PKD2L1: variants seen among roughly 807,000 people sequenced by gnomAD.
The protein encoded by PKD2L1 is polycystin-2-like protein 1.
Under a neutral mutation model 93.0 loss-of-function variants are expected in PKD2L1, and 77 were observed. That is an observed-to-expected ratio of 0.83 (90% CI 0.69 to 1.00). PKD2L1 has a LOEUF of 1.00. Ranked by LOEUF, PKD2L1 falls within the 50% of genes least tolerant of loss-of-function variation. The probability of loss-of-function intolerance (pLI) is 0.00; values close to 1 mark genes in which losing one functional copy is unlikely to be tolerated. For missense variants in PKD2L1, 977 were observed against 990.9 expected (o/e 0.99, Z 0.19); for synonymous variants, 390 against 388.0 (o/e 1.01, Z -0.06).
chr10:100,313,718 C>T (rs940623796), intron 2 of PKD2L1, among the ~76,000 whole-genome samples: 1 of 152,178 alleles, frequency 6.6e-6, no homozygotes, highest in African/African-American at 2.4e-5. Context: ...TCTATCTACC[C>T]TCAATAGACC....
At chr10:100,298,840 T>G in intron 3 of PKD2L1, 25 bp from the exon 4 acceptor site, 2 of 1,595,440 alleles carry the variant, frequency 1.3e-6, no homozygotes, top group Non-Finnish European at 1.7e-6. Context: ...GGCTTGAACC[T>G]TACCCAGCCT....
intron 15 of PKD2L1, 121 bp downstream of exon 15, chr10:100,288,851 G>A: frequency 1.6e-6 from 1 of 617,502 alleles, no homozygotes; most frequent in Non-Finnish European, 2.8e-6. Flanking sequence ...GCAGGGTGGG[G>A]CTCAGCAGCA....
intron 5 of PKD2L1, 57 bp downstream of exon 5, chr10:100,297,325 A>G (rs976622891): frequency 1.3e-6 from 2 of 1,554,738 alleles, no homozygotes; most frequent in South Asian, 1.1e-5. Flanking sequence ...TCTCATGCAC[A>G]AGAGACGGGA....
rs536899238 is a variant in PKD2L1, at chr10:100,309,672, G to A, written c.350-9954C>T. On this transcript the variant is annotated intron_variant, in intron 2 of 15. Transcript: ENST00000318222. ...CCCTTAGCACAATTTACAGGTTCAG[G>A]GATGACCTTGTAACCCATTTCAGGT... is the stretch of plus-strand genomic sequence containing the variant. Among the ~76,000 whole-genome samples the A allele has an allele frequency of 2.0e-5, 3 of 152,212 alleles. No individual in the cohort carries two copies. In the South Asian group the frequency reaches 6.2e-4, roughly 32 times the overall value.
intron 2 of PKD2L1, 66 bp from the exon 3 acceptor site, chr10:100,299,784 T>G: frequency 6.8e-7 from 1 of 1,461,416 alleles, no homozygotes; most frequent in Non-Finnish European, 9.6e-7. Flanking sequence ...GAAAGCCTAT[T>G]GCCCTGGAGT....
chr10:100,321,688 A>AAAGG (rs1849236033), intron 2 of PKD2L1, among the ~76,000 whole-genome samples: 1 of 1,456 alleles, frequency 6.9e-4, no homozygotes, highest in African/African-American at 2.0e-3. Context: ...AGAAAGAAAG[A>AAAGG]AAGAAAGAAA....
rs1303080969 is a variant in PKD2L1 at position 100,293,176 on chromosome 10, A to C, written c.1758+105T>G. ...GGCTTCCAAGGATAAATTTAAAGGC[A>C]CACAAGGGCACAGGCACCTCAATCA... On this transcript the variant is annotated intron_variant, in intron 10 of 15. Coordinates refer to ENST00000318222, the MANE Select transcript of PKD2L1 (RefSeq NM_016112.3). The C allele has an allele frequency of 1.9e-6, 3 of 1,564,292 alleles. No homozygotes were observed. In the East Asian group the frequency reaches 6.7e-5, roughly 35 times the overall value.
At chr10:100,318,837 TTC>T (rs58305179) in intron 2 of PKD2L1, among the ~76,000 whole-genome samples, 7 of 149,548 alleles carry the variant, frequency 4.7e-5, no homozygotes, top group African/African-American at 1.2e-4. Flanking sequence ...TTTTCTTTTT[TTC>T]TCTCTCTCTA....
chr10:100,330,205 A>G lies in PKD2L1; in HGVS notation c.-102T>C. The G allele has an allele frequency of 1.5e-6, 1 of 686,464 alleles. No individual in the cohort carries two copies. Among genetic ancestry groups the G allele is most frequent in the Non-Finnish European group, 2.4e-6 (1 of 412,842 alleles). The allele number at this position is 686,464 out of a possible 1,614,324, so 42.5% of individuals were successfully genotyped here. A position where few individuals can be genotyped will look rare whatever the true frequency, so the allele number is the denominator to read the frequency against. On this transcript the variant is annotated 5_prime_UTR_variant, in exon 1 of 16. Transcript: ENST00000318222. ...AGCCTAGCCAGCAGAGAGCAAATGG[A>G]AAGGCGTCTGAGAGCAGCTGTTTCC...
chr10:100,310,573 C>A (rs1353525897), intron 2 of PKD2L1, among the ~76,000 whole-genome samples: 2 of 152,084 alleles, frequency 1.3e-5, no homozygotes, highest in Non-Finnish European at 2.9e-5. Flanking sequence ...TATATACACA[C>A]ACATTTATAC....
At chr10:100,315,464 C>A (rs527967505) in intron 2 of PKD2L1, among the ~76,000 whole-genome samples, 5 of 152,206 alleles carry the variant, frequency 3.3e-5, no homozygotes, top group African/African-American at 1.2e-4. Context: ...GTGTGTTGTT[C>A]CCCTCCCTGT....
chr10:100,297,731 T>TGTGTGTGTGTGTGC (rs1422143101), intron 4 of PKD2L1, 125 bp from the exon 5 acceptor site: 61 of 619,970 alleles, frequency 9.8e-5, no homozygotes, highest in Admixed American at 5.5e-5. Flanking sequence ...TGTGTGTGTG[T>TGTGTGTGTGTGTGC]GTGTGTGTGT....
At chr10:100,313,314 C>G (rs1359386336) in intron 2 of PKD2L1, among the ~76,000 whole-genome samples, 1 of 152,104 alleles carries the variant, frequency 6.6e-6, no homozygotes, top group Non-Finnish European at 1.5e-5. Flanking sequence ...AAGAGTAGCC[C>G]TTGTTAAAAG....
intron 2 of PKD2L1, among the ~76,000 whole-genome samples, chr10:100,307,828 TG>T (rs1240253518): frequency 6.6e-6 from 1 of 152,104 alleles, no homozygotes; most frequent in Admixed American, 6.6e-5. Flanking sequence ...GAGGCTCACA[TG>T]GAGGGGGTTC....
At chr10:100,327,028 T>C (rs1465880017) in intron 2 of PKD2L1, among the ~76,000 whole-genome samples, 1 of 152,134 alleles carries the variant, frequency 6.6e-6, no homozygotes, top group East Asian at 1.9e-4. Flanking sequence ...AACACCTCAG[T>C]AGTTGGCTTA....
At chr10:100,298,884 C>A in intron 3 of PKD2L1, 69 bp from the exon 4 acceptor site, 1 of 1,461,706 alleles carries the variant, frequency 6.8e-7, no homozygotes, top group Non-Finnish European at 9.2e-7. Flanking sequence ...ATGACCTTTG[C>A]CCTCATCCTC....
In PKD2L1 at chr10:100,315,119, GAGAAA is replaced by G. The variant is rs1336742455; in HGVS notation, c.349+14087_349+14091del. On this transcript the variant is annotated intron_variant, in intron 2 of 15. Transcript: ENST00000318222. ...GGGAAGGGAAGGGAAGGGAAGGGAA[GAGAAA>G]ACAGTTGAAATGATTATATACCAAA... Among the ~76,000 whole-genome samples the G allele has an allele frequency of 7.8e-4, 59 of 75,700 alleles. 17 individuals carry two copies. The highest frequency in any genetic ancestry group is 1.9e-3 in the African/African-American group (37 of 19,296). The allele number at this position is 75,700 out of a possible 152,430, so 49.7% of individuals were successfully genotyped here. A position where few individuals can be genotyped will look rare whatever the true frequency, so the allele number is the denominator to read the frequency against.
At chr10:100,296,347 G>T in intron 6 of PKD2L1, 55 bp from the exon 7 acceptor site, 1 of 1,454,642 alleles carries the variant, frequency 6.9e-7, no homozygotes. Flanking sequence ...CTCAAGGGAA[G>T]TTCCAAGATG....
chr10:100,295,052 G>A lies in PKD2L1; in HGVS notation c.1428C>T (p.Asp476=). 1 of 1,614,124 alleles carries A rather than the reference G, an allele frequency of 6.2e-7. No individual in the cohort carries two copies. The highest frequency in any genetic ancestry group is 8.5e-7 in the Non-Finnish European group (1 of 1,179,938). The change falls in exon 8 of 16, where the codon GAC becomes GAT. Residue 476 remains aspartate (D), a synonymous_variant. Coordinates refer to ENST00000318222, the MANE Select transcript of PKD2L1 (RefSeq NM_016112.3). ...AGAACATGACGGCGAAGCCCAGGAT[G>A]TCCTTGGCACAGCGGGCCAGCGTGG... ...LSSTLARCAK[D]ILGFAVMFFI...
Sources: gnomAD v4.1 joint callset for allele counts (sites outside exome capture counted in the v4.1 genomes callset) on GRCh38, gnomAD v4.1.1 for gene constraint, MANE v1.5 for transcripts, NCBI Gene and HGNC (gene_info 2026-07-23, HGNC 2026-07-21) for gene names.